Variants in DPP6 observed in about 807,000 individuals in gnomAD.
DPP6 encodes dipeptidyl peptidase like 6, also known as A-type potassium channel modulatory protein DPP6.
In DPP6, 69 loss-of-function variants were observed where a neutral mutation model predicts 122.6. The observed-to-expected ratio is 0.56, with a 90% CI of 0.46 to 0.69. The LOEUF (loss-of-function observed/expected upper bound fraction) is 0.69. Among genes scored for constraint, DPP6 ranks in the 30% least tolerant of loss-of-function variants. The probability of loss-of-function intolerance (pLI) is 0.00; values close to 1 mark genes in which losing one functional copy is unlikely to be tolerated. For synonymous variants in DPP6, 418 were observed against 433.1 expected (o/e 0.97, Z 0.43); for missense variants, 928 against 1,116.9 (o/e 0.83, Z 2.41).
intron 1 of DPP6, among the ~76,000 whole-genome samples, chr7:153,987,812 A>G (rs1264116431): frequency 1.3e-5 from 2 of 152,188 alleles, no homozygotes. Context: ...TAAGTGCAGC[A>G]TAAATAAAAT....
At chr7:154,427,560 A>G (rs755123090) in intron 1 of DPP6, among the ~76,000 whole-genome samples, 31 of 152,376 alleles carry the variant, frequency 2.0e-4, no homozygotes, top group Non-Finnish European at 3.2e-4. Flanking sequence ...AAGTTATCAT[A>G]AACATTTAAA....
intron 10 of DPP6, among the ~76,000 whole-genome samples, chr7:154,790,306 G>A (rs1387198719): frequency 6.6e-6 from 1 of 152,172 alleles, no homozygotes; most frequent in African/African-American, 2.4e-5. Flanking sequence ...GGGTCATGAG[G>A]CAACATCAAG....
intron 7 of DPP6, among the ~76,000 whole-genome samples, chr7:154,720,897 C>T (rs550847891): frequency 1.4e-4 from 21 of 152,344 alleles, no homozygotes; most frequent in South Asian, 4.1e-4. Context: ...CGACAAAACT[C>T]CCAGCAAGAG....
At chr7:154,269,457 TCTC>T (rs1290804555) in intron 1 of DPP6, among the ~76,000 whole-genome samples, 1 of 152,142 alleles carries the variant, frequency 6.6e-6, no homozygotes, top group Admixed American at 6.6e-5. Context: ...GTCCTGCCCT[TCTC>T]CTGGGCCACA....
intron 1 of DPP6, among the ~76,000 whole-genome samples, chr7:153,900,038 C>T (rs1182742157): frequency 6.6e-6 from 1 of 152,188 alleles, no homozygotes; most frequent in Admixed American, 6.5e-5. Flanking sequence ...GCGTTATCAG[C>T]ATCAGCTGGG....
chr7:154,631,230 T>C (rs1237614859), intron 5 of DPP6, among the ~76,000 whole-genome samples: 1 of 152,108 alleles, frequency 6.6e-6, no homozygotes, highest in Admixed American at 6.5e-5. Flanking sequence ...CTGCCTTCCA[T>C]TCGGGTCTGC....
At chr7:154,498,735 G>A (rs751968295) in intron 3 of DPP6, among the ~76,000 whole-genome samples, 19 of 151,962 alleles carry the variant, frequency 1.3e-4, no homozygotes, top group Non-Finnish European at 2.4e-4. Flanking sequence ...ATTGACATTC[G>A]GACCAGATGA....
intron 3 of DPP6, among the ~76,000 whole-genome samples, chr7:154,528,236 C>T (rs1371207495): frequency 6.6e-6 from 1 of 152,136 alleles, no homozygotes; most frequent in African/African-American, 2.4e-5. Context: ...TCTTAGAACT[C>T]CCATTGAGCA....
chr7:153,902,861 G>A (rs534589809), intron 1 of DPP6, among the ~76,000 whole-genome samples: 1 of 152,076 alleles, frequency 6.6e-6, no homozygotes, highest in African/African-American at 2.4e-5. Context: ...ATAATTACAA[G>A]TTTTCTTAGG....
intron 1 of DPP6, among the ~76,000 whole-genome samples, chr7:153,938,103 G>T (rs112481966): frequency 6.6e-6 from 1 of 152,172 alleles, no homozygotes; most frequent in African/African-American, 2.4e-5. Context: ...TGAAGAATAT[G>T]ATGAGCTCCC....
intron 1 of DPP6, among the ~76,000 whole-genome samples, chr7:153,976,316 C>T (rs1332114989): frequency 2.0e-5 from 3 of 152,126 alleles, no homozygotes; most frequent in Non-Finnish European, 2.9e-5. Flanking sequence ...TTATACATCT[C>T]CTTGGGCGCA....
intron 8 of DPP6, among the ~76,000 whole-genome samples, chr7:154,739,221 G>A (rs1478234936): frequency 1.3e-5 from 2 of 152,220 alleles, no homozygotes; most frequent in African/African-American, 4.8e-5. Flanking sequence ...GTCCAGAAGA[G>A]GGGGAGGCCA....
intron 7 of DPP6, among the ~76,000 whole-genome samples, chr7:154,691,437 A>G (rs1308229892): frequency 1.3e-5 from 2 of 152,182 alleles, no homozygotes; most frequent in Non-Finnish European, 2.9e-5. Flanking sequence ...CTTCACTGCA[A>G]AGAATACTGG....
intron 8 of DPP6, among the ~76,000 whole-genome samples, chr7:154,729,839 G>T (rs1842249255): frequency 2.6e-5 from 4 of 152,188 alleles, no homozygotes; most frequent in Admixed American, 2.6e-4. Flanking sequence ...AGATTTTATT[G>T]TCACATGAGT....
intron 1 of DPP6, among the ~76,000 whole-genome samples, chr7:153,913,753 T>A (rs1438510645): frequency 2.0e-5 from 3 of 152,140 alleles, no homozygotes; most frequent in Admixed American, 6.5e-5. Context: ...GGCATAACTG[T>A]GTGACTAGAT....
Position 154,668,219 on chromosome 7 carries a change from A to ATATATATATATATATATATATATAT in DPP6, c.681-1141_681-1140insTATATATATATATATATATATATAT, listed in dbSNP as rs1554430259. Among the ~76,000 whole-genome samples the ATATATATATATATATATATATATAT allele has an allele frequency of 6.8e-4, 37 of 54,338 alleles. 1 individual carries two copies. Among genetic ancestry groups the ATATATATATATATATATATATATAT allele is most frequent in the Non-Finnish European group, 1.3e-3 (27 of 21,034 alleles). The allele number at this position is 54,338 out of a possible 152,430, so 35.6% of individuals were successfully genotyped here. ...ATTTTATATATATATATATATATAT[A>ATATATATATATATATATATATATAT]ATATACACATTTTTTTTTCAAGACA... is the stretch of plus-strand genomic sequence containing the variant. On this transcript the variant is annotated intron_variant, in intron 6 of 25. Transcript: ENST00000377770.
intron 6 of DPP6, among the ~76,000 whole-genome samples, chr7:154,643,098 C>T (rs1341832401): frequency 6.6e-6 from 1 of 152,110 alleles, no homozygotes; most frequent in South Asian, 2.1e-4. Context: ...ATCCTAAAAT[C>T]ATACAATTCT....
rs564749684 is a variant in DPP6 at position 154,633,370 on chromosome 7, G to A, written c.628-4451G>A. 5.5e-4 allele frequency among the ~76,000 whole-genome samples: 83 copies of A among 152,260 alleles called. No homozygotes were observed. In the South Asian group the frequency reaches 8.7e-3, roughly 16 times the overall value. On this transcript the variant is annotated intron_variant, in intron 5 of 25. Transcript: ENST00000377770. ...TTCCACCTCAGCCTCCGGAGTAGCT[G>A]CGATTACAGGCACCCGCCATCCTGC...
rs371303177 is a variant in DPP6, at chr7:154,026,039, A to C, written c.51+138305A>C. Among the ~76,000 whole-genome samples, 231 of 145,932 alleles carry C rather than the reference A, an allele frequency of 1.6e-3. 2 individuals are homozygous for C. In the East Asian group the frequency reaches 0.04, roughly 25 times the overall value. ...TTGGATGCCTTAGGCTTCAGCCCAC[A>C]TGAAACCAGTTTGATGACTTTATCC... On this transcript the variant is annotated intron_variant, in intron 1 of 25. Coordinates refer to the DPP6 transcript ENST00000404039.
Sources: gnomAD v4.1 joint callset for allele counts (sites outside exome capture counted in the v4.1 genomes callset) on GRCh38, gnomAD v4.1.1 for gene constraint, MANE v1.5 for transcripts, NCBI Gene and HGNC (gene_info 2026-07-23, HGNC 2026-07-21) for gene names.